ADCY8: variants seen among roughly 807,000 people sequenced by gnomAD.
The protein encoded by ADCY8 is adenylate cyclase 8, also known as adenylate cyclase type 8.
In ADCY8, 51 loss-of-function variants were observed where a neutral mutation model predicts 119.7. The observed-to-expected ratio is 0.43, with a 90% CI of 0.34 to 0.54. The LOEUF is 0.54. Among genes scored for constraint, ADCY8 ranks in the 20% least tolerant of loss-of-function variants. The pLI is 0.03. For synonymous variants in ADCY8, 665 were observed against 651.0 expected, an observed-to-expected ratio of 1.02 and a Z score of -0.33; for missense variants, 1,383 against 1,598.8, an observed-to-expected ratio of 0.87 and a Z score of 2.30.
chr8:130,960,767 G>T (rs1349724481), intron 2 of ADCY8, among the ~76,000 whole-genome samples: 2 of 152,038 alleles, frequency 1.3e-5, no homozygotes, highest in Admixed American at 6.6e-5. Context: ...AACAAATCTG[G>T]GATGGGACAA....
At position 131,009,661 on chromosome 8, in the gene ADCY8, C is replaced by T. The variant is rs548607469; in HGVS notation, c.961-19119G>A. Among the ~76,000 whole-genome samples, 75 of 152,288 alleles carry T rather than the reference C, an allele frequency of 4.9e-4. 1 individual carries two copies. Among genetic ancestry groups the T allele is most frequent in the African/African-American group, 1.5e-3 (64 of 41,550 alleles). ...TGAGAATGGACTAACACAAAGACTG[C>T]GCTTTTAAGCACTAACTATACTATG... On this transcript the variant is annotated intron_variant, in intron 1 of 17. Transcript: ENST00000286355.
intron 5 of ADCY8, among the ~76,000 whole-genome samples, chr8:130,920,595 T>C (rs1820271951): frequency 2.0e-5 from 3 of 152,262 alleles, no homozygotes; most frequent in Admixed American, 2.0e-4. Context: ...TCTCCATATA[T>C]TCTAACTCTG....
chr8:130,946,187 A>T (rs1018675189), intron 3 of ADCY8, among the ~76,000 whole-genome samples: 12 of 152,210 alleles, frequency 7.9e-5, no homozygotes, highest in Admixed American at 7.2e-4. Flanking sequence ...CTTATTAATT[A>T]AATGACTACT....
chr8:130,804,980 C>T (rs1815900157), intron 14 of ADCY8, among the ~76,000 whole-genome samples: 1 of 152,096 alleles, frequency 6.6e-6, no homozygotes, highest in African/African-American at 2.4e-5. Flanking sequence ...CTCCTGGCCT[C>T]CAGCGATCTA....
At chr8:131,020,378 A>G (rs1210056486) in intron 1 of ADCY8, among the ~76,000 whole-genome samples, 1 of 152,148 alleles carries the variant, frequency 6.6e-6, no homozygotes, top group Non-Finnish European at 1.5e-5. Flanking sequence ...ACTTGAGGAC[A>G]TTCAGCAGGC....
chr8:130,802,200 T>G (rs1815802147), intron 14 of ADCY8, among the ~76,000 whole-genome samples: 1 of 152,206 alleles, frequency 6.6e-6, no homozygotes, highest in Admixed American at 6.5e-5. Context: ...ATTCACTTGG[T>G]GGCACCAGCA....
chr8:131,030,407 C>A (rs16904400), intron 1 of ADCY8, among the ~76,000 whole-genome samples: 11,671 of 152,264 alleles, frequency 0.077, 1,330 homozygotes, highest in African/African-American at 0.24. Context: ...TCCACTATTT[C>A]TTCTGGAGTC....
At chr8:130,821,073 C>A (rs181949636) in intron 13 of ADCY8, among the ~76,000 whole-genome samples, 1 of 152,242 alleles carries the variant, frequency 6.6e-6, no homozygotes, top group Admixed American at 6.5e-5. Flanking sequence ...GGAGGGATCC[C>A]AGTTTGTCTT....
At chr8:130,928,921 C>CT (rs35086363) in intron 5 of ADCY8, among the ~76,000 whole-genome samples, 3 of 151,866 alleles carry the variant, frequency 2.0e-5, no homozygotes, top group Non-Finnish European at 4.4e-5. Flanking sequence ...GGTCCTGGGC[C>CT]TTTTTTTAGA....
intron 5 of ADCY8, among the ~76,000 whole-genome samples, chr8:130,913,172 C>A (rs1429781383): frequency 2.0e-5 from 3 of 152,132 alleles, no homozygotes; most frequent in Admixed American, 2.0e-4. Flanking sequence ...TTCCCTCAAG[C>A]ATTTATCCTT....
intron 14 of ADCY8, among the ~76,000 whole-genome samples, chr8:130,801,824 G>A (rs1052364557): frequency 4.0e-5 from 6 of 150,364 alleles, no homozygotes; most frequent in Admixed American, 4.0e-4. Context: ...ATCACCCCAA[G>A]ATCTTGATTC....
At chr8:131,032,404 A>C (rs943704970) in intron 1 of ADCY8, among the ~76,000 whole-genome samples, 1 of 152,180 alleles carries the variant, frequency 6.6e-6, no homozygotes, top group African/African-American at 2.4e-5. Context: ...GATCTAGTTA[A>C]ATGAAATTCA....
intron 7 of ADCY8, among the ~76,000 whole-genome samples, chr8:130,893,143 A>C (rs1476931348): frequency 2.0e-5 from 3 of 152,226 alleles, no homozygotes; most frequent in Non-Finnish European, 4.4e-5. Flanking sequence ...AGAACTTGGC[A>C]CACTCATTTA....
At chr8:130,950,912 A>T (rs1156553037) in intron 3 of ADCY8, among the ~76,000 whole-genome samples, 1 of 152,068 alleles carries the variant, frequency 6.6e-6, no homozygotes, top group Non-Finnish European at 1.5e-5. Context: ...GTTGGCCAGG[A>T]TGGTCTCGAT....
intron 12 of ADCY8, among the ~76,000 whole-genome samples, chr8:130,831,303 G>C (rs534147293): frequency 7.2e-5 from 11 of 152,276 alleles, no homozygotes; most frequent in Admixed American, 4.6e-4. Flanking sequence ...ATAACCCTAA[G>C]TGCTTACTAT....
chr8:130,879,013 T>C (rs1282734309), intron 8 of ADCY8, among the ~76,000 whole-genome samples: 1 of 152,180 alleles, frequency 6.6e-6, no homozygotes, highest in Non-Finnish European at 1.5e-5. Context: ...CTTAGCTTAA[T>C]GAAATAATTC....
intron 6 of ADCY8, among the ~76,000 whole-genome samples, chr8:130,904,298 C>T (rs1038324437): frequency 1.3e-5 from 2 of 152,210 alleles, no homozygotes; most frequent in African/African-American, 4.8e-5. Context: ...CTGAGCCACA[C>T]CTAAGCACAT....
intron 15 of ADCY8, among the ~76,000 whole-genome samples, chr8:130,790,805 A>G (rs1815401702): frequency 6.6e-6 from 1 of 152,200 alleles, no homozygotes; most frequent in Non-Finnish European, 1.5e-5. Flanking sequence ...CTGAGATGGC[A>G]GCTCTGGGGC....
intron 2 of ADCY8, among the ~76,000 whole-genome samples, chr8:130,957,609 T>C (rs1294268187): frequency 6.6e-6 from 1 of 152,180 alleles, no homozygotes; most frequent in Non-Finnish European, 1.5e-5. Flanking sequence ...TCACAGGTCT[T>C]CATGGCAGCT....
Sources: gnomAD v4.1 joint callset for allele counts (sites outside exome capture counted in the v4.1 genomes callset) on GRCh38, gnomAD v4.1.1 for gene constraint, MANE v1.5 for transcripts, NCBI Gene and HGNC (gene_info 2026-07-23, HGNC 2026-07-21) for gene names.